Variants in AGAP1 observed in about 807,000 individuals in gnomAD.
The protein encoded by AGAP1 is ArfGAP with GTPase domain, ankyrin repeat and PH domain 1.
AGAP1 carries 29 observed loss-of-function variants against 105.3 expected under a neutral mutation model. That is an observed-to-expected ratio of 0.28 (90% CI 0.21 to 0.38). AGAP1 has a LOEUF of 0.38. Ranked by LOEUF, AGAP1 falls within the 10% of genes least tolerant of loss-of-function variation. AGAP1 has a pLI of 1.00. For missense variants in AGAP1, 998 were observed against 1,165.1 expected (o/e 0.86, Z 2.09); for synonymous variants, 509 against 485.9 (o/e 1.05, Z -0.63).
chr2:235,743,240 T>G (rs1952693472), intron 4 of AGAP1, among the ~76,000 whole-genome samples: 1 of 152,192 alleles, frequency 6.6e-6, no homozygotes, highest in African/African-American at 2.4e-5. Context: ...ATTTATTGGG[T>G]GCCCCCCACA....
In AGAP1 at chr2:235,663,209, T is replaced by C. The variant is rs1948019502; in HGVS notation, c.164-45970T>C. ...CTGTGATCCCATCTACTTGGGAGGC[T>C]GAGGCAGGAGAATTGCTTGAACCTG... On this transcript the variant is annotated intron_variant, in intron 1 of 17. Coordinates refer to ENST00000304032, the MANE Select transcript of AGAP1 (RefSeq NM_001037131.3). The surrounding 1 kb of genome is among the most constrained non-coding windows in gnomAD (Gnocchi z 5.4). 6.6e-6 allele frequency among the ~76,000 whole-genome samples: 1 copy of C among 152,104 alleles called. No individual in the cohort carries two copies. Among genetic ancestry groups the C allele is most frequent in the Non-Finnish European group, 1.5e-5 (1 of 68,008 alleles).
At chr2:236,029,594 T>C (rs2057163336) in intron 13 of AGAP1, among the ~76,000 whole-genome samples, 1 of 152,036 alleles carries the variant, frequency 6.6e-6, no homozygotes, top group African/African-American at 2.4e-5. Context: ...CCCTGAAGTA[T>C]ATCATTTAGT....
At chr2:235,670,660 CGAGGCCGCGGCCGGGACCACCCTG>C in intron 1 of AGAP1, 2 of 649,360 alleles carry the variant, frequency 3.1e-6, no homozygotes, top group Non-Finnish European at 5.5e-6. Context: ...CGCCGTGCGA[CGAGGCCGCGGCCGGGACCACCCTG>C]GAGCCCGCGA....
chr2:235,650,156 G>A (rs184095612), intron 1 of AGAP1, among the ~76,000 whole-genome samples: 1 of 152,228 alleles, frequency 6.6e-6, no homozygotes, highest in African/African-American at 2.4e-5. Flanking sequence ...GAGGTCAGGA[G>A]TTCGAGACCA....
At chr2:235,617,633 C>A (rs1019129849) in intron 1 of AGAP1, among the ~76,000 whole-genome samples, 1 of 152,028 alleles carries the variant, frequency 6.6e-6, no homozygotes, top group Non-Finnish European at 1.5e-5. Context: ...ACCTGGGAGG[C>A]GGAGGTTGCA....
At chr2:235,949,239 T>C (rs1274766061) in intron 12 of AGAP1, among the ~76,000 whole-genome samples, 2 of 152,356 alleles carry the variant, frequency 1.3e-5, no homozygotes, top group East Asian at 1.9e-4. Flanking sequence ...CCATTGAGCA[T>C]TGCCTTTTAG....
At chr2:235,876,788 T>C (rs2106590390) in intron 9 of AGAP1, among the ~76,000 whole-genome samples, 1 of 152,024 alleles carries the variant, frequency 6.6e-6, no homozygotes, top group South Asian at 2.1e-4. Context: ...CCCAGGCGCA[T>C]CCCTGATCGT....
At chr2:235,949,634 G>A (rs148870225) in intron 12 of AGAP1, among the ~76,000 whole-genome samples, 1 of 152,146 alleles carries the variant, frequency 6.6e-6, no homozygotes, top group African/African-American at 2.4e-5. Flanking sequence ...TGCCTCTTTT[G>A]CATAGTAAGC....
At chr2:236,022,215 C>T (rs556702225) in intron 13 of AGAP1, among the ~76,000 whole-genome samples, 28 of 152,248 alleles carry the variant, frequency 1.8e-4, no homozygotes, top group Non-Finnish European at 3.5e-4. Flanking sequence ...TCATGAGAAC[C>T]TTCCCGTGGT....
rs1576129722 is a variant in AGAP1, at chr2:236,036,499, G to C, written c.1646-62G>C. The stretch of plus-strand genomic sequence containing the variant: ...CCCAGAGGCGCTTCTGTGACAGAGG[G>C]CCCGCAGGGGGACTGCTGTCTCATA... On this transcript the variant is annotated intron_variant, in intron 13 of 17. Transcript: ENST00000304032. The surrounding 1 kb of genome is among the most constrained non-coding windows in gnomAD (Gnocchi z 5.7). 2 of 1,582,336 alleles carry C rather than the reference G, an allele frequency of 1.3e-6. No homozygotes were observed. The highest frequency in any genetic ancestry group is 1.3e-5 in the African/African-American group (1 of 74,278).
rs756159958 is a variant in AGAP1 at position 235,882,595 on chromosome 2, C to T, written c.1051-750C>T. ...TCCCCTGCTCAGCCTCCCCGAGTAG[C>T]TGGGATTATAGGTGCCCACCACTGC... On this transcript the variant is annotated intron_variant, in intron 9 of 17. Coordinates refer to ENST00000304032, the MANE Select transcript of AGAP1 (RefSeq NM_001037131.3). The surrounding 1 kb of genome is among the most constrained non-coding windows in gnomAD (Gnocchi z 4.6). 1 of 493,416 alleles carries T rather than the reference C, an allele frequency of 2.0e-6. No individual in the cohort carries two copies. The highest frequency in any genetic ancestry group is 3.7e-6 in the Non-Finnish European group (1 of 272,570). The allele number at this position is 493,416 out of a possible 1,614,324, so 30.6% of individuals were successfully genotyped here. A position where few individuals can be genotyped will look rare whatever the true frequency, so the allele number is the denominator to read the frequency against.
At chr2:236,100,130 C>A (rs2059308960) in intron 16 of AGAP1, among the ~76,000 whole-genome samples, 3 of 148,944 alleles carry the variant, frequency 2.0e-5, no homozygotes, top group African/African-American at 7.4e-5. Context: ...CGTAGAGATC[C>A]ACACCCATGC....
intron 9 of AGAP1, among the ~76,000 whole-genome samples, chr2:235,858,705 C>T (rs1444460914): frequency 6.6e-6 from 1 of 152,076 alleles, no homozygotes; most frequent in Admixed American, 6.5e-5. Context: ...ATCCGTCTAC[C>T]ATGAAAGGTC....
At chr2:235,910,774 G>C (rs946286210) in intron 11 of AGAP1, among the ~76,000 whole-genome samples, 1 of 152,154 alleles carries the variant, frequency 6.6e-6, no homozygotes, top group Non-Finnish European at 1.5e-5. Flanking sequence ...AAAATTAGCT[G>C]GGTGTGGAGA....
chr2:236,098,559 C>T (rs1236628561), intron 16 of AGAP1, among the ~76,000 whole-genome samples: 1 of 150,302 alleles, frequency 6.7e-6, no homozygotes, highest in African/African-American at 2.5e-5. Flanking sequence ...GACACAGCAA[C>T]ACTCTATAGC....
intron 12 of AGAP1, among the ~76,000 whole-genome samples, chr2:235,956,074 A>G (rs2053935754): frequency 6.6e-6 from 1 of 152,332 alleles, no homozygotes; most frequent in South Asian, 2.1e-4. Context: ...AGACGCATTC[A>G]GTCTCTCCCC....
chr2:235,769,398 A>G lies in AGAP1; in HGVS notation c.673+18910A>G, dbSNP rs1325639433. 1.3e-5 allele frequency among the ~76,000 whole-genome samples: 2 copies of G among 152,236 alleles called. No homozygotes were observed. The highest frequency in any genetic ancestry group is 2.9e-5 in the Non-Finnish European group (2 of 68,046). ...TGCGTGGTCTTCACTCTTTTGCAGAAAATTGTTGGCATTGCATCATTGGCT... is the reference window on the plus strand; with the variant it reads ...TGCGTGGTCTTCACTCTTTTGCAGAGAATTGTTGGCATTGCATCATTGGCT... On this transcript the variant is annotated intron_variant, in intron 6 of 17. Coordinates refer to ENST00000304032, the MANE Select transcript of AGAP1 (RefSeq NM_001037131.3). The surrounding 1 kb of genome is among the most constrained non-coding windows in gnomAD (Gnocchi z 4.4).
chr2:236,108,860 C>A (rs2059573115), intron 16 of AGAP1, among the ~76,000 whole-genome samples: 1 of 152,120 alleles, frequency 6.6e-6, no homozygotes. Context: ...TTGTCTGTGT[C>A]CCGTTCATCT....
At chr2:235,808,936 A>T (rs1559513192) in intron 9 of AGAP1, among the ~76,000 whole-genome samples, 1 of 152,190 alleles carries the variant, frequency 6.6e-6, no homozygotes, top group African/African-American at 2.4e-5. Context: ...TGCATAAGCT[A>T]ATGTTACTGT....
Sources: allele counts gnomAD v4.1 joint callset (sites outside exome capture counted in the v4.1 genomes callset), GRCh38; gene constraint gnomAD v4.1.1; non-coding constraint Gnocchi (gnomAD v3.1); transcripts MANE v1.5; gene names NCBI Gene and HGNC (gene_info 2026-07-23, HGNC 2026-07-21).